PATL1: variants seen among roughly 807,000 people sequenced by gnomAD.
PATL1 encodes the protein PAT1 homolog 1, processing body mRNA decay factor.
PATL1 carries 32 observed loss-of-function variants against 100.6 expected under a neutral mutation model. The ratio of observed to expected loss-of-function variants is 0.32; its 90% CI spans 0.24 to 0.43. PATL1 has a LOEUF of 0.43. PATL1 is among the 20% of genes least tolerant of loss of function. The pLI, the probability that PATL1 is intolerant of heterozygous loss-of-function variation, is 1.00. For missense variants in PATL1, 747 were observed against 949.9 expected, an observed-to-expected ratio of 0.79 and a Z score of 2.81; for synonymous variants, 332 against 330.0, an observed-to-expected ratio of 1.01 and a Z score of -0.07.
intron 10 of PATL1, 104 bp from the exon 11 acceptor site, chr11:59,652,691 G>A: frequency 6.5e-7 from 1 of 1,529,924 alleles, no homozygotes; most frequent in Non-Finnish European, 8.8e-7. Context: ...TTCAGCTCTA[G>A]AAATATACTG....
chr11:59,663,880 ACT>A (rs1371424332), intron 2 of PATL1, among the ~76,000 whole-genome samples: 1 of 152,210 alleles, frequency 6.6e-6, no homozygotes, highest in Non-Finnish European at 1.5e-5. Context: ...CTTGATTTAA[ACT>A]CTCTATACCA....
At chr11:59,639,623 G>A in intron 16 of PATL1, 1 of 443,834 alleles carries the variant, frequency 2.3e-6, no homozygotes, top group African/African-American at 2.0e-5. Flanking sequence ...GAAAGTCATG[G>A]TGTCCAACAC....
At chr11:59,647,363 C>CT in intron 15 of PATL1, among the ~76,000 whole-genome samples, 1 of 152,040 alleles carries the variant, frequency 6.6e-6, no homozygotes, top group Admixed American at 6.5e-5. Flanking sequence ...ATAACCAAGA[C>CT]TATAAGTTTT....
chr11:59,645,859 G>C (rs570054438), intron 15 of PATL1, among the ~76,000 whole-genome samples: 17 of 152,130 alleles, frequency 1.1e-4, no homozygotes, highest in Non-Finnish European at 2.1e-4. Context: ...AGGATATCTT[G>C]TACATTTCAT....
At chr11:59,647,023 C>T (rs572850212) in intron 15 of PATL1, among the ~76,000 whole-genome samples, 1 of 152,012 alleles carries the variant, frequency 6.6e-6, no homozygotes, top group South Asian at 2.1e-4. Context: ...AGTTTGAGAC[C>T]AGCCTGGGCA....
chr11:59,650,929 A>C, intron 12 of PATL1, 116 bp from the exon 13 acceptor site: 1 of 729,476 alleles, frequency 1.4e-6, no homozygotes, highest in Non-Finnish European at 2.2e-6. Context: ...TGATTCTCTG[A>C]AAGTTAATAA....
chr11:59,659,160 T>C (rs550561404), intron 3 of PATL1, 92 bp downstream of exon 3: 104 of 1,134,866 alleles, frequency 9.2e-5, no homozygotes, highest in Non-Finnish European at 1.2e-4. Flanking sequence ...TGTAAATCTC[T>C]CATTATAATA....
At chr11:59,654,743 C>T (rs1265367972) in intron 8 of PATL1, among the ~76,000 whole-genome samples, 1 of 152,142 alleles carries the variant, frequency 6.6e-6, no homozygotes, top group African/African-American at 2.4e-5. Context: ...GTTAATATGG[C>T]TAGGCCTTAG....
intron 5 of PATL1, chr11:59,657,251 T>G (rs1445356893): frequency 1.5e-6 from 1 of 647,250 alleles, no homozygotes; most frequent in Non-Finnish European, 1.9e-6. Flanking sequence ...TGACAATGTT[T>G]TGGGCAGCCA....
chr11:59,665,654 C>G (rs981349952), intron 2 of PATL1, among the ~76,000 whole-genome samples: 1 of 151,972 alleles, frequency 6.6e-6, no homozygotes, highest in East Asian at 1.9e-4. Flanking sequence ...AAAAATTAGC[C>G]GGGCGCTTGT....
intron 7 of PATL1, 54 bp downstream of exon 7, chr11:59,655,902 G>T: frequency 7.0e-7 from 1 of 1,433,502 alleles, no homozygotes; most frequent in Non-Finnish European, 9.6e-7. Flanking sequence ...ATTATCTAAT[G>T]AACTTTAGGA....
intron 14 of PATL1, among the ~76,000 whole-genome samples, chr11:59,648,271 C>T (rs1861392343): frequency 1.3e-5 from 2 of 150,004 alleles, no homozygotes; most frequent in Admixed American, 6.6e-5. Context: ...TTGCAGCCTC[C>T]ACCTCCTGGG....
At chr11:59,638,894 G>T (rs569394093) in intron 18 of PATL1, among the ~76,000 whole-genome samples, 154 bp downstream of exon 18, 81 of 152,180 alleles carry the variant, frequency 5.3e-4, no homozygotes, top group Non-Finnish European at 1.1e-3. Context: ...TTTTGGTCAG[G>T]CTGGTCTGGA....
rs1347816533 is a variant in PATL1 at position 59,659,418 on chromosome 11, A to G, written c.179T>C (p.Leu60Pro). The G allele has an allele frequency of 1.9e-6, 3 of 1,551,260 alleles. No individual in the cohort carries two copies. Among genetic ancestry groups the G allele is most frequent in the Non-Finnish European group, 2.6e-6 (3 of 1,146,934 alleles). ...HERLAELEEK[L>P]PVAVNEQTGN... ...TGTTTGTTCATTAACTGCCACTGGT[A>G]GCTTTTCTTCCAATTCAGCCAGGCG... is the stretch of plus-strand genomic sequence containing the variant. Residue 60 changes from leucine to proline, a missense_variant, in exon 3 of 19, where the codon CTA becomes CCA. Leu to Pro is a moderately conservative substitution (Grantham distance 98, BLOSUM62 -3). This residue lies in a region of PATL1 where 183 missense variants were observed against 221.2 expected (regional missense o/e 0.83). Coordinates refer to ENST00000300146, the MANE Select transcript of PATL1 (RefSeq NM_152716.3).
Position 59,655,575 on chromosome 11 carries a change from G to C in PATL1, c.979C>G (p.Pro327Ala). ...CCAGGAGGGTGCTGCTGTGGAGGTG[G>C]TGTAGCGGAGGGTGGAGCACTAAAG... ...AFFSAPPSAT[P>A]PPQQHPPGPG... is the part of the protein sequence containing the mutation. Residue 327 changes from proline (P) to alanine (A), a missense_variant, in exon 8 of 19, where the codon CCA becomes GCA. By Grantham distance (27) the Pro-to-Ala change is conservative (BLOSUM62 -1). Transcript: ENST00000300146. The C allele has an allele frequency of 6.3e-7, 1 of 1,590,698 alleles. No homozygotes were observed. Among genetic ancestry groups the C allele is most frequent in the South Asian group, 1.1e-5 (1 of 87,592 alleles).
At position 59,647,823 on chromosome 11, in the gene PATL1, T is replaced by C; in HGVS notation, c.1824A>G (p.Gln608=). The change falls in exon 15 of 19, where the codon CAA becomes CAG. Residue 608 remains glutamine (Q), a synonymous_variant. Transcript: ENST00000300146. ...ARILPFLSTE[Q]AADILMTTAR... ...CTGTTGTCATGAGAATGTCAGCTGC[T>C]TGCTCTGTGGAGAGGAAAGGAAGAA... 6.2e-7 allele frequency: 1 copy of C among 1,613,970 alleles called. No individual in the cohort carries two copies. Among genetic ancestry groups the C allele is most frequent in the Non-Finnish European group, 8.5e-7 (1 of 1,179,852 alleles).
rs182789349 is a variant in PATL1 at position 59,652,335 on chromosome 11, A to G, written c.1426+129T>C. 2.2e-3 allele frequency: 2,949 copies of G among 1,332,052 alleles called. 4 individuals carry two copies. Among genetic ancestry groups the G allele is most frequent in the Non-Finnish European group, 2.7e-3 (2,707 of 1,000,706 alleles). 82.5% of individuals were successfully genotyped at this position (1,332,052 alleles called of 1,614,324 possible). On this transcript the variant is annotated intron_variant, in intron 11 of 18. Coordinates refer to ENST00000300146, the MANE Select transcript of PATL1 (RefSeq NM_152716.3). ...CTGATTTTTGCATTTATTAAGAACAATGGTACTTTTAAAATCACTTTGAAA... is the reference window on the plus strand; with the variant it reads ...CTGATTTTTGCATTTATTAAGAACAGTGGTACTTTTAAAATCACTTTGAAA...
intron 13 of PATL1, among the ~76,000 whole-genome samples, chr11:59,649,850 G>C (rs984065298): frequency 1.3e-5 from 2 of 151,776 alleles, no homozygotes; most frequent in African/African-American, 2.4e-5. Context: ...GTCTAGACGC[G>C]GTGGCTCACG....
At position 59,655,976 on chromosome 11, in the gene PATL1, G is replaced by C; in HGVS notation, c.793C>G (p.Gln265Glu). Residue 265 changes from glutamine to glutamate, a missense_variant, in exon 7 of 19, where the codon CAG becomes GAG. Physicochemically the swap from Gln to Glu is conservative, Grantham distance 29 (BLOSUM62 2). Transcript: ENST00000300146. ...PPVLSPLQRA[Q>E]LLGGAQLQPG... ...CTTACCTGTGCTCCTCCAAGAAGCT[G>C]TGCTCTCTGGAGGGGGCTGAGAACA... 1 of 1,600,730 alleles carries C rather than the reference G, an allele frequency of 6.2e-7. No homozygotes were observed. The highest frequency in any genetic ancestry group is 1.3e-5 in the African/African-American group (1 of 74,318).
Sources: gnomAD v4.1 joint callset for allele counts (sites outside exome capture counted in the v4.1 genomes callset) on GRCh38, gnomAD v4.1.1 for gene constraint, gnomAD v4.1.1 regional missense constraint, MANE v1.5 for transcripts, NCBI Gene and HGNC (gene_info 2026-07-23, HGNC 2026-07-21) for gene names.